The following ADAMTSL1 variants were observed in gnomAD, a reference collection of about 807,000 sequenced individuals.
The protein encoded by ADAMTSL1 is ADAMTS-like protein 1.
In ADAMTSL1, 126 loss-of-function variants were observed where a neutral mutation model predicts 201.8. The ratio of observed to expected loss-of-function variants is 0.62; its 90% confidence interval spans 0.54 to 0.72. ADAMTSL1 has a LOEUF of 0.72. ADAMTSL1 is among the 30% of genes least tolerant of loss of function. The pLI is 0.00. For synonymous variants in ADAMTSL1, 1,121 were observed against 903.4 expected, an observed-to-expected ratio of 1.24 and a Z score of -4.32; for missense variants, 2,679 against 2,277.8, an observed-to-expected ratio of 1.18 and a Z score of -3.59.
chr9:18,590,815 T>C (rs1001429057), intron 4 of ADAMTSL1, among the ~76,000 whole-genome samples: 1 of 152,136 alleles, frequency 6.6e-6, no homozygotes, highest in Non-Finnish European at 1.5e-5. Flanking sequence ...ATTTGTATAG[T>C]TTCCAAAGTT....
chr9:18,841,310 T>C (rs1193828542), intron 23 of ADAMTSL1, among the ~76,000 whole-genome samples: 1 of 152,076 alleles, frequency 6.6e-6, no homozygotes, highest in Non-Finnish European at 1.5e-5. Flanking sequence ...GGTTTTTGTC[T>C]TTGGTTCTGT....
At chr9:17,997,385 G>A (rs547622455) in intron 1 of ADAMTSL1, among the ~76,000 whole-genome samples, 1 of 152,162 alleles carries the variant, frequency 6.6e-6, no homozygotes, top group South Asian at 2.1e-4. Flanking sequence ...ATGAAGAATT[G>A]TTGTGTTGTA....
At chr9:18,709,481 A>T (rs936058496) in intron 14 of ADAMTSL1, among the ~76,000 whole-genome samples, 1 of 152,204 alleles carries the variant, frequency 6.6e-6, no homozygotes. Flanking sequence ...ATGAAATTGG[A>T]TAGACAGAAA....
chr9:17,953,141 T>C (rs1827796287), intron 1 of ADAMTSL1, among the ~76,000 whole-genome samples: 1 of 152,126 alleles, frequency 6.6e-6, no homozygotes, highest in Non-Finnish European at 1.5e-5. Flanking sequence ...CATGACACAT[T>C]GTATTGCTAA....
chr9:18,826,019 G>A (rs1824531382), intron 21 of ADAMTSL1: 2 of 585,468 alleles, frequency 3.4e-6, no homozygotes, highest in South Asian at 2.3e-5. Context: ...TCTCATCACT[G>A]TAAGTTTAAA....
intron 1 of ADAMTSL1, among the ~76,000 whole-genome samples, chr9:17,985,769 A>C (rs1818903677): frequency 6.6e-6 from 1 of 152,160 alleles, no homozygotes; most frequent in Non-Finnish European, 1.5e-5. Flanking sequence ...AATAAGATTC[A>C]TGGAGGTTCT....
At chr9:18,867,123 A>G (rs1171661018) in intron 23 of ADAMTSL1, among the ~76,000 whole-genome samples, 2 of 152,212 alleles carry the variant, frequency 1.3e-5, no homozygotes, top group Non-Finnish European at 2.9e-5. Context: ...TTCTTTTCCA[A>G]TAAGAGGAGG....
chr9:18,513,970 C>A (rs1587423524), intron 2 of ADAMTSL1, among the ~76,000 whole-genome samples: 1 of 152,124 alleles, frequency 6.6e-6, no homozygotes, highest in Non-Finnish European at 1.5e-5. Context: ...TCTGAACATT[C>A]CAGATTGTTT....
chr9:18,675,137 T>G (rs1218624094), intron 9 of ADAMTSL1, among the ~76,000 whole-genome samples: 1 of 152,144 alleles, frequency 6.6e-6, no homozygotes, highest in Non-Finnish European at 1.5e-5. Context: ...GCCATGACAA[T>G]CACAACCATC....
intron 11 of ADAMTSL1, 115 bp from the exon 12 acceptor site, chr9:18,681,697 T>TGTGTGGGGGG (rs370940110): frequency 1.9e-4 from 45 of 240,298 alleles, no homozygotes; most frequent in African/African-American, 1.5e-3. Context: ...AGTCCTCGTG[T>TGTGTGGGGGG]GGGGGGGGGG....
At chr9:18,028,660 G>C (rs1394459652) in intron 1 of ADAMTSL1, among the ~76,000 whole-genome samples, 1 of 152,120 alleles carries the variant, frequency 6.6e-6, no homozygotes, top group African/African-American at 2.4e-5. Context: ...TTTGGTTACT[G>C]TAGCCTTGTA....
intron 1 of ADAMTSL1, among the ~76,000 whole-genome samples, chr9:17,994,714 G>A (rs986141629): frequency 2.6e-5 from 4 of 152,168 alleles, no homozygotes; most frequent in Non-Finnish European, 5.9e-5. Flanking sequence ...TCAAGGTTCA[G>A]AATAAGACAG....
At chr9:18,112,047 G>A (rs1825047005) in intron 1 of ADAMTSL1, among the ~76,000 whole-genome samples, 1 of 152,132 alleles carries the variant, frequency 6.6e-6, no homozygotes, top group African/African-American at 2.4e-5. Flanking sequence ...ACCTGATGCA[G>A]GTATTTATTT....
chr9:18,070,868 A>T (rs1164325037), intron 1 of ADAMTSL1, among the ~76,000 whole-genome samples: 1 of 152,204 alleles, frequency 6.6e-6, no homozygotes, highest in African/African-American at 2.4e-5. Context: ...GATACTCTGC[A>T]CAGCTAGTGG....
At chr9:18,165,591 G>A (rs1447688258) in intron 2 of ADAMTSL1, among the ~76,000 whole-genome samples, 1 of 151,692 alleles carries the variant, frequency 6.6e-6, no homozygotes, top group African/African-American at 2.4e-5. Flanking sequence ...GTGGGTGGAG[G>A]CATTTTACCT....
chr9:18,652,385 GA>G (rs374812767), intron 7 of ADAMTSL1, among the ~76,000 whole-genome samples: 3 of 132,194 alleles, frequency 2.3e-5, no homozygotes, highest in Admixed American at 7.8e-5. Flanking sequence ...AAAAAAAAAG[GA>G]AAAAAAAAGA....
chr9:18,298,808 G>A (rs745626632), intron 2 of ADAMTSL1, among the ~76,000 whole-genome samples: 2 of 151,974 alleles, frequency 1.3e-5, no homozygotes, highest in East Asian at 1.9e-4. Context: ...CGGATCACGA[G>A]GTCAGGAGAT....
intron 1 of ADAMTSL1, 24 bp from the exon 2 acceptor site, chr9:18,504,805 T>C (rs759460223): frequency 4.3e-6 from 7 of 1,614,216 alleles, no homozygotes; most frequent in Non-Finnish European, 5.9e-6. Flanking sequence ...GATATGATGC[T>C]GACCATTCTT....
chr9:18,750,983 C>A (rs2133599625), intron 15 of ADAMTSL1, among the ~76,000 whole-genome samples: 1 of 152,280 alleles, frequency 6.6e-6, no homozygotes, highest in African/African-American at 2.4e-5. Flanking sequence ...GAGAGAGCAT[C>A]AAATTGGAAG....
Sources: allele counts gnomAD v4.1 joint callset (sites outside exome capture counted in the v4.1 genomes callset), GRCh38; gene constraint gnomAD v4.1.1; transcripts MANE v1.5; gene names NCBI Gene and HGNC (gene_info 2026-07-23, HGNC 2026-07-21).